Variants in STK24 observed in about 807,000 individuals in gnomAD.
The protein encoded by STK24 is serine/threonine-protein kinase 24.
In STK24, 21 loss-of-function variants were observed where a neutral mutation model predicts 55.6. The observed-to-expected ratio is 0.38, with a 90% CI of 0.27 to 0.54. The LOEUF (loss-of-function observed/expected upper bound fraction) is 0.54. STK24 is among the 20% of genes least tolerant of loss of function. The probability of loss-of-function intolerance (pLI) is 0.79; values close to 1 mark genes in which losing one functional copy is unlikely to be tolerated. For missense variants in STK24, 383 were observed against 538.4 expected (o/e 0.71, Z 2.86); for synonymous variants, 200 against 215.2 (o/e 0.93, Z 0.62).
chr13:98,476,723 A>C (rs1057185530), intron 3 of STK24, among the ~76,000 whole-genome samples: 8 of 152,052 alleles, frequency 5.3e-5, no homozygotes, highest in Non-Finnish European at 1.2e-4. Context: ...CCTGACTCAT[A>C]CCTGGCCCTG....
chr13:98,567,943 A>AAG (rs1555313544), intron 1 of STK24, among the ~76,000 whole-genome samples: 19 of 101,500 alleles, frequency 1.9e-4, no homozygotes, highest in East Asian at 5.5e-4. Flanking sequence ...AAAAAAAAAA[A>AAG]GGGGGGGGGT....
chr13:98,472,387 C>A (rs1894186311), intron 5 of STK24, among the ~76,000 whole-genome samples: 2 of 152,294 alleles, frequency 1.3e-5, no homozygotes, highest in South Asian at 4.2e-4. Flanking sequence ...AAGGTGGGTG[C>A]GGATGGCTCA....
At chr13:98,462,208 GCTT>G (rs1260826610) in intron 7 of STK24, among the ~76,000 whole-genome samples, 1 of 152,112 alleles carries the variant, frequency 6.6e-6, no homozygotes, top group African/African-American at 2.4e-5. Flanking sequence ...TGGGACATCA[GCTT>G]CTCTCTGCTG....
chr13:98,576,758 A>G lies in STK24; in HGVS notation c.29T>C (p.Leu10Pro), dbSNP rs1897911420. Residue 10 changes from leucine to proline, a missense_variant, in exon 1 of 11, where the codon CTG becomes CCG. By Grantham distance (98) the Leu-to-Pro change is moderately conservative. Coordinates refer to ENST00000539966, the MANE Select transcript of STK24 (RefSeq NM_001032296.4). Reference protein sequence around the residue: MAHSPVQSGLPGMQNLKADP... With the variant: MAHSPVQSGPPGMQNLKADP... Reference sequence around the variant, plus strand: ...GCGCCCGCCTACCTGCATGCCGGGCAGGCCCGACTGCACCGGGGAGTGAGC... The same window carrying G: ...GCGCCCGCCTACCTGCATGCCGGGCGGGCCCGACTGCACCGGGGAGTGAGC... 6.9e-7 allele frequency: 1 copy of G among 1,455,196 alleles called. No homozygotes were observed. The highest frequency in any genetic ancestry group is 1.5e-5 in the African/African-American group (1 of 67,334). The allele number at this position is 1,455,196 out of a possible 1,614,324, so 90.1% of individuals were successfully genotyped here. A position where few individuals can be genotyped will look rare whatever the true frequency, so the allele number is the denominator to read the frequency against.
At position 98,447,954 on chromosome 13, in the gene STK24, A is replaced by C; in HGVS notation, c.*5219T>G. 2.1e-6 allele frequency: 1 copy of C among 476,302 alleles called. No homozygotes were observed. The highest frequency in any genetic ancestry group is 3.8e-6 in the Non-Finnish European group (1 of 266,462). The allele number at this position is 476,302 out of a possible 1,614,324, so 29.5% of individuals were successfully genotyped here. A position where few individuals can be genotyped will look rare whatever the true frequency, so the allele number is the denominator to read the frequency against. On this transcript the variant is annotated 3_prime_UTR_variant, in exon 11 of 11. Coordinates refer to ENST00000539966, the MANE Select transcript of STK24 (RefSeq NM_001032296.4). ...GAAAATAGGAGGTAGCGTTCTCCCC[A>C]GCAACCAGAGGCCACCTCGCTCCTA...
chr13:98,500,645 A>G (rs1895421650), intron 2 of STK24, among the ~76,000 whole-genome samples: 1 of 87,518 alleles, frequency 1.1e-5, no homozygotes, highest in Non-Finnish European at 2.1e-5. Flanking sequence ...TCCCGTGACC[A>G]TCGGCTCGCC....
chr13:98,499,454 C>T (rs1253311193), intron 2 of STK24, among the ~76,000 whole-genome samples: 6 of 152,216 alleles, frequency 3.9e-5, no homozygotes, highest in Admixed American at 3.9e-4. Flanking sequence ...ACCCTCTCAT[C>T]AATCCCTTGG....
At chr13:98,575,311 G>A (rs1372523291) in intron 1 of STK24, among the ~76,000 whole-genome samples, 3 of 151,920 alleles carry the variant, frequency 2.0e-5, no homozygotes, top group African/African-American at 7.3e-5. Context: ...CATCTTCCCA[G>A]TCACTCTTAA....
intron 4 of STK24, 55 bp from the exon 5 acceptor site, chr13:98,475,033 C>G: frequency 6.5e-7 from 1 of 1,545,400 alleles, no homozygotes; most frequent in Non-Finnish European, 8.7e-7. Flanking sequence ...ACTCCGTGCA[C>G]TGCCACAAGC....
intron 5 of STK24, among the ~76,000 whole-genome samples, chr13:98,472,396 C>G (rs1439692174): frequency 6.6e-6 from 1 of 152,180 alleles, no homozygotes; most frequent in African/African-American, 2.4e-5. Context: ...GCGGATGGCT[C>G]AGGCAGACAG....
intron 2 of STK24, among the ~76,000 whole-genome samples, chr13:98,484,296 G>A (rs954597754): frequency 1.4e-4 from 22 of 152,168 alleles, no homozygotes; most frequent in African/African-American, 4.6e-4. Context: ...AATCTAAATC[G>A]CTTTTCCCTA....
intron 2 of STK24, among the ~76,000 whole-genome samples, chr13:98,504,374 A>C (rs931365816): frequency 6.6e-6 from 1 of 152,238 alleles, no homozygotes; most frequent in Non-Finnish European, 1.5e-5. Flanking sequence ...GGGAAAATGC[A>C]GATTTCTGGT....
intron 1 of STK24, among the ~76,000 whole-genome samples, chr13:98,523,591 C>T (rs1167454718): frequency 2.0e-5 from 3 of 152,156 alleles, no homozygotes; most frequent in Admixed American, 2.0e-4. Context: ...AGCTGGCAAT[C>T]GAAAATGGTG....
chr13:98,463,903 T>G, intron 6 of STK24, 67 bp from the exon 7 acceptor site: 1 of 1,557,154 alleles, frequency 6.4e-7, no homozygotes, highest in South Asian at 1.2e-5. Flanking sequence ...AAGGACAGAC[T>G]TCTGCCTCAA....
chr13:98,475,960 C>G (rs1894354781), intron 3 of STK24, among the ~76,000 whole-genome samples: 1 of 152,064 alleles, frequency 6.6e-6, no homozygotes, highest in Non-Finnish European at 1.5e-5. Flanking sequence ...GTTAAAGCTC[C>G]CCAACTTGGG....
chr13:98,532,448 T>C (rs1896605431), intron 1 of STK24, among the ~76,000 whole-genome samples: 3 of 137,728 alleles, frequency 2.2e-5, no homozygotes, highest in African/African-American at 8.1e-5. Flanking sequence ...CCCACACACA[T>C]CCCATCCCAC....
intron 1 of STK24, among the ~76,000 whole-genome samples, chr13:98,524,816 A>C (rs1212148538): frequency 6.6e-6 from 1 of 152,216 alleles, no homozygotes; most frequent in Non-Finnish European, 1.5e-5. Context: ...GACGGCTTAG[A>C]AAACAGCAAT....
At chr13:98,518,151 G>A (rs1298967780) in intron 2 of STK24, among the ~76,000 whole-genome samples, 3 of 152,178 alleles carry the variant, frequency 2.0e-5, no homozygotes, top group African/African-American at 2.4e-5. Flanking sequence ...ACACACTGCT[G>A]TCCTTTACAC....
chr13:98,473,174 A>C (rs1894216088), intron 5 of STK24, among the ~76,000 whole-genome samples: 1 of 149,070 alleles, frequency 6.7e-6, no homozygotes, highest in African/African-American at 2.5e-5. Flanking sequence ...GGAATCCAGA[A>C]AAATGTGCCT....
Sources: gnomAD v4.1 joint callset for allele counts (sites outside exome capture counted in the v4.1 genomes callset) on GRCh38, gnomAD v4.1.1 for gene constraint, MANE v1.5 for transcripts, NCBI Gene and HGNC (gene_info 2026-07-23, HGNC 2026-07-21) for gene names.